EXOC4: variants seen among roughly 807,000 people sequenced by gnomAD.
EXOC4 encodes the protein SEC8-like 1.
Under a neutral mutation model 107.2 loss-of-function variants are expected in EXOC4, and 71 were observed. The ratio of observed to expected loss-of-function variants is 0.66; its 90% CI spans 0.55 to 0.81. EXOC4 has a LOEUF of 0.81. Among genes scored for constraint, EXOC4 ranks in the 30% least tolerant of loss-of-function variants. EXOC4 has a pLI of 0.00. For synonymous variants in EXOC4, 456 were observed against 441.2 expected, an observed-to-expected ratio of 1.03 and a Z score of -0.42; for missense variants, 1,108 against 1,189.6, an observed-to-expected ratio of 0.93 and a Z score of 1.01.
intron 14 of EXOC4, among the ~76,000 whole-genome samples, chr7:133,946,040 C>T (rs1458128279): frequency 2.0e-5 from 3 of 151,994 alleles, no homozygotes; most frequent in African/African-American, 7.3e-5. Flanking sequence ...GGTAATTCCT[C>T]TCTCGCTTCA....
chr7:133,737,092 T>A (rs1795460215), intron 10 of EXOC4, among the ~76,000 whole-genome samples: 1 of 152,254 alleles, frequency 6.6e-6, no homozygotes, highest in Non-Finnish European at 1.5e-5. Context: ...ATTCTTTTAG[T>A]ATTCCTCTAG....
chr7:133,839,484 A>C (rs753907352), intron 11 of EXOC4, among the ~76,000 whole-genome samples: 1 of 152,246 alleles, frequency 6.6e-6, no homozygotes, highest in Non-Finnish European at 1.5e-5. Context: ...TATGCTCTTA[A>C]TAAATTCATT....
At chr7:133,456,452 T>C (rs1798466196) in intron 7 of EXOC4, among the ~76,000 whole-genome samples, 3 of 152,200 alleles carry the variant, frequency 2.0e-5, no homozygotes, top group Admixed American at 1.3e-4. Flanking sequence ...CATGCGATCA[T>C]ATCATTGAAT....
At position 134,023,551 on chromosome 7, in the gene EXOC4, G is replaced by A. The variant is rs375385168; in HGVS notation, c.2687+15716G>A. The stretch of plus-strand genomic sequence containing the variant: ...CCTTATACTAACCTAGTATGTTTAC[G>A]AATTAACTTTTTCATTTTGCAAATG... On this transcript the variant is annotated intron_variant, in intron 17 of 17. Transcript: ENST00000253861. Among the ~76,000 whole-genome samples the A allele has an allele frequency of 4.2e-4, 64 of 151,936 alleles. 1 individual carries two copies. In the South Asian group the frequency reaches 0.013, roughly 30 times the overall value.
At chr7:133,374,729 G>A (rs1796449391) in intron 6 of EXOC4, 99 bp from the exon 7 acceptor site, 1 of 931,832 alleles carries the variant, frequency 1.1e-6, no homozygotes, top group East Asian at 2.5e-5. Flanking sequence ...TTACATTGTA[G>A]AATGCTACTT....
At chr7:133,844,020 A>G (rs1177483773) in intron 11 of EXOC4, among the ~76,000 whole-genome samples, 1 of 152,164 alleles carries the variant, frequency 6.6e-6, no homozygotes, top group African/African-American at 2.4e-5. Flanking sequence ...AGCCTGCTTG[A>G]TCATGGTGGA....
intron 11 of EXOC4, among the ~76,000 whole-genome samples, chr7:133,837,151 C>G (rs1167547334): frequency 2.6e-5 from 4 of 152,162 alleles, no homozygotes; most frequent in African/African-American, 9.7e-5. Flanking sequence ...TTCAATTGAA[C>G]TAACAATTTT....
intron 1 of EXOC4, among the ~76,000 whole-genome samples, chr7:133,259,874 T>C (rs1795103874): frequency 6.6e-6 from 1 of 152,214 alleles, no homozygotes; most frequent in Non-Finnish European, 1.5e-5. Flanking sequence ...GGTATACATG[T>C]ATATGCTAGA....
chr7:133,889,440 A>G lies in EXOC4; in HGVS notation c.1735-6159A>G, dbSNP rs1276564433. Among the ~76,000 whole-genome samples the G allele has an allele frequency of 2.0e-5, 3 of 148,592 alleles. No individual in the cohort carries two copies. The East Asian group carries it at 6.0e-4, about 30-fold the overall frequency. On this transcript the variant is annotated intron_variant, in intron 11 of 17. Transcript: ENST00000253861. Reference sequence around the variant, plus strand: ...TATTATTATTATTTTTTTTAATTATACTTTAAGTTTTAGGGTACATGTGCA... The same window carrying G: ...TATTATTATTATTTTTTTTAATTATGCTTTAAGTTTTAGGGTACATGTGCA...
At chr7:134,069,310 T>TCCTTCTCTTCCTTCTCCCCCTCCTTC (rs67106949), downstream of EXOC4, among the ~76,000 whole-genome samples, 1 of 130,116 alleles carries the variant, frequency 7.7e-6, no homozygotes. Context: ...TCCTCCTCCT[T>TCCTTCTCTTCCTTCTCCCCCTCCTTC]TCTTCCTTCT....
rs1563107401 is a variant in EXOC4 at position 133,558,205 on chromosome 7, T to TCTTTTCTTTTCTTTTTTTTC, written c.1418-71825_1418-71824insTTTTCCTTTTCTTTTCTTTT. 7.2e-4 allele frequency among the ~76,000 whole-genome samples: 93 copies of TCTTTTCTTTTCTTTTTTTTC among 128,636 alleles called. 1 individual carries two copies. The highest frequency in any genetic ancestry group is 3.1e-3 in the African/African-American group (88 of 28,718). 84.4% of individuals were successfully genotyped at this position (128,636 alleles called of 152,430 possible). ...TGGTTCCTTCTCTTTTCTTTTCTTT[T>TCTTTTCTTTTCTTTTTTTTC]CTTTTCTTTTCTTTTCTTTTCTTTT... On this transcript the variant is annotated intron_variant, in intron 9 of 17. Coordinates refer to ENST00000253861, the MANE Select transcript of EXOC4 (RefSeq NM_021807.4).
At chr7:133,654,278 G>A (rs1409635789) in intron 10 of EXOC4, among the ~76,000 whole-genome samples, 2 of 152,122 alleles carry the variant, frequency 1.3e-5, no homozygotes, top group African/African-American at 4.8e-5. Flanking sequence ...TACAGCTGAG[G>A]TTCAGGTTTT....
chr7:133,906,683 G>A (rs1476648622), intron 12 of EXOC4, among the ~76,000 whole-genome samples: 1 of 152,124 alleles, frequency 6.6e-6, no homozygotes, highest in Admixed American at 6.5e-5. Context: ...GCTTTCGCTC[G>A]CTGTCCACTA....
chr7:133,279,613 C>T (rs1248796423), intron 2 of EXOC4, among the ~76,000 whole-genome samples: 1 of 152,212 alleles, frequency 6.6e-6, no homozygotes, highest in Admixed American at 6.5e-5. Context: ...CGACCTCCCA[C>T]ACTCAGGTGA....
At chr7:133,853,511 A>T (rs1003523596) in intron 11 of EXOC4, among the ~76,000 whole-genome samples, 7 of 152,062 alleles carry the variant, frequency 4.6e-5, no homozygotes, top group African/African-American at 1.7e-4. Context: ...GACTACAGGC[A>T]TGCACCACTG....
chr7:134,100,604 A>G, the EXOC4 span, among the ~76,000 whole-genome samples: 14,299 of 129,980 alleles, frequency 0.11, 3,864 homozygotes, highest in Non-Finnish European at 0.16. Context: ...CATGTATGGG[A>G]AGGTTATTGT....
At chr7:133,599,960 G>A (rs1477506274) in intron 9 of EXOC4, among the ~76,000 whole-genome samples, 1 of 141,446 alleles carries the variant, frequency 7.1e-6, no homozygotes, top group Non-Finnish European at 1.5e-5. Flanking sequence ...GAGTACAGTG[G>A]TACAGTCATG....
chr7:133,530,249 A>G (rs1454091640), intron 9 of EXOC4, among the ~76,000 whole-genome samples: 1 of 152,188 alleles, frequency 6.6e-6, no homozygotes, highest in Non-Finnish European at 1.5e-5. Flanking sequence ...TCCATCAACC[A>G]GGAAGAAATA....
chr7:133,549,613 T>C (rs1563104579), intron 9 of EXOC4, among the ~76,000 whole-genome samples: 2 of 152,146 alleles, frequency 1.3e-5, no homozygotes, highest in Non-Finnish European at 2.9e-5. Flanking sequence ...CAAAATGTGA[T>C]ACAGAGACAT....
Sources: gnomAD v4.1 joint callset for allele counts (sites outside exome capture counted in the v4.1 genomes callset) on GRCh38, gnomAD v4.1.1 for gene constraint, MANE v1.5 for transcripts, NCBI Gene and HGNC (gene_info 2026-07-23, HGNC 2026-07-21) for gene names.